SPATA16: variants seen among roughly 807,000 people sequenced by gnomAD.
The protein encoded by SPATA16 is spermatogenesis associated 16.
Under a neutral mutation model 63.3 loss-of-function variants are expected in SPATA16, and 36 were observed. That is an observed-to-expected ratio of 0.57 (90% confidence interval 0.44 to 0.75). SPATA16 has a LOEUF of 0.75. Among genes scored for constraint, SPATA16 ranks in the 30% least tolerant of loss-of-function variants. SPATA16 has a pLI of 0.00. For missense variants in SPATA16, 646 were observed against 679.3 expected, an observed-to-expected ratio of 0.95 and a Z score of 0.54; for synonymous variants, 203 against 216.7, an observed-to-expected ratio of 0.94 and a Z score of 0.56.
chr3:172,922,956 C>G (rs913082092), intron 8 of SPATA16, among the ~76,000 whole-genome samples: 1 of 151,976 alleles, frequency 6.6e-6, no homozygotes, highest in Non-Finnish European at 1.5e-5. Flanking sequence ...CAAAAAACCC[C>G]AAAACCCAAA....
rs1316764612 is a variant in SPATA16 at position 172,961,063 on chromosome 3, CTTCTTTCTTCCTTCCTTCCTTCCTTCCT to C, written c.934-4267_934-4240del. Among the ~76,000 whole-genome samples the C allele has an allele frequency of 4.9e-4, 14 of 28,712 alleles. 2 individuals are homozygous for C. The highest frequency in any genetic ancestry group is 1.4e-3 in the African/African-American group (14 of 9,866). The allele number at this position is 28,712 out of a possible 152,430, so 18.8% of individuals were successfully genotyped here. A position where few individuals can be genotyped will look rare whatever the true frequency, so the allele number is the denominator to read the frequency against. ...TTCTTTCTTTCTTCTTTCTTTCTTT[CTTCTTTCTTCCTTCCTTCCTTCCTTCCT>C]TCCTTCCTTCCTTCCTTCCTTCCTT... On this transcript the variant is annotated intron_variant, in intron 5 of 10. Coordinates refer to ENST00000351008, the MANE Select transcript of SPATA16 (RefSeq NM_031955.6).
chr3:172,924,653 G>T (rs1732687536), intron 7 of SPATA16, among the ~76,000 whole-genome samples: 1 of 152,124 alleles, frequency 6.6e-6, no homozygotes, highest in Non-Finnish European at 1.5e-5. Flanking sequence ...TCTGATTCTT[G>T]TCTTGTTCCT....
intron 1 of SPATA16, among the ~76,000 whole-genome samples, chr3:173,133,239 GT>G (rs1261610229): frequency 6.6e-6 from 1 of 152,144 alleles, no homozygotes; most frequent in African/African-American, 2.4e-5. Flanking sequence ...TTTCCAGCTG[GT>G]TGAAAGTTAG....
intron 2 of SPATA16, among the ~76,000 whole-genome samples, chr3:173,058,566 T>G (rs1167975761): frequency 6.6e-6 from 1 of 152,110 alleles, no homozygotes; most frequent in Non-Finnish European, 1.5e-5. Flanking sequence ...GTACCTACAC[T>G]AGATATTAGC....
At chr3:173,120,316 G>T (rs1328502833) in intron 1 of SPATA16, among the ~76,000 whole-genome samples, 2 of 152,152 alleles carry the variant, frequency 1.3e-5, no homozygotes, top group Non-Finnish European at 2.9e-5. Context: ...CTCCGGCTAT[G>T]CATCTATATC....
chr3:173,018,675 C>G (rs1334217678), intron 4 of SPATA16, among the ~76,000 whole-genome samples: 2 of 152,142 alleles, frequency 1.3e-5, no homozygotes, highest in African/African-American at 2.4e-5. Flanking sequence ...CCTAGGCACC[C>G]CATCTCGATT....
At chr3:173,116,567 A>G (rs1002950518) in intron 2 of SPATA16, among the ~76,000 whole-genome samples, 21 of 152,250 alleles carry the variant, frequency 1.4e-4, no homozygotes, top group African/African-American at 4.6e-4. Flanking sequence ...ATAATTATTC[A>G]TAAAGATCAC....
intron 6 of SPATA16, among the ~76,000 whole-genome samples, chr3:172,943,199 G>C (rs563384516): frequency 6.9e-4 from 105 of 152,254 alleles, no homozygotes; most frequent in African/African-American, 2.4e-3. Context: ...TAAGAAAAAG[G>C]ATGCAATAGA....
rs527529010 is a variant in SPATA16 at position 173,029,206 on chromosome 3, G to A, written c.759-9631C>T. On this transcript the variant is annotated intron_variant, in intron 3 of 10. Transcript: ENST00000351008. ...AAATTCCTCACTGAGTGGGAGATAA[G>A]GCTAAATGACTTTCAAGTATATTCA... 1.8e-4 allele frequency among the ~76,000 whole-genome samples: 27 copies of A among 152,076 alleles called. 1 individual carries two copies. The South Asian group carries it at 2.9e-3, about 16-fold the overall frequency.
intron 10 of SPATA16, among the ~76,000 whole-genome samples, chr3:172,911,090 C>G (rs1290278746): frequency 2.0e-5 from 3 of 152,250 alleles, no homozygotes; most frequent in Non-Finnish European, 2.9e-5. Context: ...CTTGCTTCTT[C>G]TTTGCTTCTT....
At chr3:172,956,287 T>TG (rs1038178163) in intron 6 of SPATA16, among the ~76,000 whole-genome samples, 3 of 151,928 alleles carry the variant, frequency 2.0e-5, no homozygotes, top group Non-Finnish European at 4.4e-5. Context: ...GTGAGATAGA[T>TG]GGGGGGATAA....
chr3:173,066,226 C>G (rs1297436583), intron 2 of SPATA16, among the ~76,000 whole-genome samples: 1 of 152,252 alleles, frequency 6.6e-6, no homozygotes, highest in Non-Finnish European at 1.5e-5. Flanking sequence ...AGAAGGGGAA[C>G]TGCTGGCTTC....
intron 1 of SPATA16, among the ~76,000 whole-genome samples, chr3:173,137,868 C>G (rs1577195021): frequency 6.7e-6 from 1 of 148,404 alleles, no homozygotes; most frequent in Admixed American, 6.6e-5. Context: ...CACACACACA[C>G]ACACAGACAC....
intron 10 of SPATA16, among the ~76,000 whole-genome samples, chr3:172,896,206 T>C (rs1732005188): frequency 6.6e-6 from 1 of 152,154 alleles, no homozygotes. Flanking sequence ...CCCCAGGTTA[T>C]ATTTAGTTTT....
chr3:172,926,121 C>T (rs1469183614), intron 6 of SPATA16, among the ~76,000 whole-genome samples: 1 of 151,834 alleles, frequency 6.6e-6, no homozygotes, highest in African/African-American at 2.4e-5. Flanking sequence ...CCACTGCGCT[C>T]AGCTGAGAAT....
At chr3:172,974,954 C>T (rs994247354) in intron 5 of SPATA16, among the ~76,000 whole-genome samples, 24 of 152,108 alleles carry the variant, frequency 1.6e-4, no homozygotes, top group African/African-American at 5.8e-4. Context: ...AATCAAGAAA[C>T]AGGGAATACA....
intron 6 of SPATA16, among the ~76,000 whole-genome samples, chr3:172,926,281 A>G (rs1031263286): frequency 6.6e-6 from 1 of 152,256 alleles, no homozygotes; most frequent in South Asian, 2.1e-4. Context: ...TTAAAATGAT[A>G]AATGTACTGA....
chr3:173,065,881 C>T (rs6784377), intron 2 of SPATA16, among the ~76,000 whole-genome samples: 35,644 of 151,930 alleles, frequency 0.23, 5,623 homozygotes, highest in African/African-American at 0.46. Context: ...ACTAAAGTGG[C>T]CTGGGGCCAG....
At chr3:173,021,724 T>TTATTTATA (rs1735336192) in intron 3 of SPATA16, among the ~76,000 whole-genome samples, 3 of 92,520 alleles carry the variant, frequency 3.2e-5, no homozygotes, top group South Asian at 6.8e-4. Flanking sequence ...CTATTACTTT[T>TTATTTATA]TATTTATTTA....
Sources: gnomAD v4.1 joint callset for allele counts (sites outside exome capture counted in the v4.1 genomes callset) on GRCh38, gnomAD v4.1.1 for gene constraint, MANE v1.5 for transcripts, NCBI Gene and HGNC (gene_info 2026-07-23, HGNC 2026-07-21) for gene names.